RASEF: variants seen among roughly 807,000 people sequenced by gnomAD.
RASEF encodes the protein RAS and EF-hand domain containing, also known as ras and EF-hand domain-containing protein.
Under a neutral mutation model 90.1 loss-of-function variants are expected in RASEF, and 68 were observed. The observed-to-expected ratio is 0.75, with a 90% CI of 0.62 to 0.92. The LOEUF (loss-of-function observed/expected upper bound fraction) is 0.92, where lower values mean the gene tolerates loss of function less well. Among genes scored for constraint, RASEF ranks in the 40% least tolerant of loss-of-function variants. RASEF has a pLI of 0.00. For missense variants in RASEF, 949 were observed against 937.2 expected (o/e 1.01, Z -0.16); for synonymous variants, 331 against 345.2 (o/e 0.96, Z 0.46).
chr9:83,074,007 T>C, the RASEF span, among the ~76,000 whole-genome samples: 24 of 152,202 alleles, frequency 1.6e-4, no homozygotes, highest in Non-Finnish European at 2.6e-4. Context: ...TACCTCACTT[T>C]AATGGTGAAA....
the RASEF span, among the ~76,000 whole-genome samples, chr9:83,134,188 C>A: frequency 6.6e-6 from 1 of 152,206 alleles, no homozygotes; most frequent in Non-Finnish European, 1.5e-5. Flanking sequence ...TTCTCTCCCT[C>A]CCTACTCTCA....
the RASEF span, among the ~76,000 whole-genome samples, chr9:83,139,980 A>T: frequency 6.6e-6 from 1 of 152,176 alleles, no homozygotes; most frequent in Non-Finnish European, 1.5e-5. Flanking sequence ...TAAATCAATG[A>T]TGTTCTTAAT....
chr9:83,141,767 G>A, the RASEF span, among the ~76,000 whole-genome samples: 15 of 152,298 alleles, frequency 9.8e-5, no homozygotes, highest in Admixed American at 3.3e-4. Context: ...GGGAGAGGGA[G>A]GGTCAATAAT....
chr9:83,164,715 A>T, the RASEF span, among the ~76,000 whole-genome samples: 27 of 151,960 alleles, frequency 1.8e-4, 1 homozygote, highest in Middle Eastern at 3.4e-3. Flanking sequence ...AACATCAATG[A>T]TCTAAATGTA....
the RASEF span, among the ~76,000 whole-genome samples, chr9:83,086,176 A>C: frequency 1.3e-5 from 2 of 152,222 alleles, no homozygotes; most frequent in African/African-American, 4.8e-5. Flanking sequence ...AAGAGGTAGA[A>C]TTAATATCTT....
At chr9:83,055,453 G>A (rs1020725305) in intron 1 of RASEF, 7 of 647,550 alleles carry the variant, frequency 1.1e-5, no homozygotes, top group Admixed American at 2.1e-5. Flanking sequence ...CTCGCACTCC[G>A]TAGTGAGATG....
chr9:83,054,839 CT>C (rs1830073741), intron 1 of RASEF: 1 of 151,478 alleles, frequency 6.6e-6, no homozygotes, highest in African/African-American at 2.5e-5. Flanking sequence ...TGGGGGGTGC[CT>C]CCCAGTTAGG....
the RASEF span, among the ~76,000 whole-genome samples, chr9:83,096,481 C>T: frequency 2.0e-5 from 3 of 152,058 alleles, no homozygotes; most frequent in Admixed American, 6.6e-5. Flanking sequence ...CCTGAGGGCT[C>T]GCAGATTAGT....
the RASEF span, among the ~76,000 whole-genome samples, chr9:83,170,212 C>T: frequency 2.0e-5 from 3 of 151,922 alleles, no homozygotes; most frequent in African/African-American, 4.8e-5. Flanking sequence ...GTTATTGGCA[C>T]CTTTGTCAAA....
At chr9:83,134,408 GCGCACACACA>G in the RASEF span, among the ~76,000 whole-genome samples, 97 of 136,004 alleles carry the variant, frequency 7.1e-4, no homozygotes, top group Middle Eastern at 0.011. Context: ...GATCACAATA[GCGCACACACA>G]CACACACACA....
the RASEF span, among the ~76,000 whole-genome samples, chr9:83,068,803 TAAAG>T: frequency 1.1e-4 from 17 of 152,292 alleles, no homozygotes; most frequent in African/African-American, 3.8e-4. Flanking sequence ...TTTGTTTTCT[TAAAG>T]AAGAAAAAAA....
intron 16 of RASEF, 28 bp from the exon 17 acceptor site, chr9:82,982,810 AGAG>A (rs548527971): frequency 4.7e-6 from 2 of 427,778 alleles, no homozygotes; most frequent in Non-Finnish European, 6.9e-6. Context: ...AGAGACAGAG[AGAG>A]AGAGAGAGAG....
intron 1 of RASEF, among the ~76,000 whole-genome samples, chr9:83,047,608 T>A (rs1397373899): frequency 6.6e-6 from 1 of 152,138 alleles, no homozygotes; most frequent in Non-Finnish European, 1.5e-5. Context: ...TTAGCCCTCC[T>A]CCCCTAGGAC....
In RASEF at chr9:83,007,458, T is replaced by G. The variant is rs1049980892; in HGVS notation, c.1007A>C (p.Glu336Ala). 1.9e-6 allele frequency: 3 copies of G among 1,612,494 alleles called. No homozygotes were observed. In the Admixed American group the frequency reaches 5.0e-5, roughly 27 times the overall value. ...RAYTEDRNSL[E>A]RQIEILQTAN... is the part of the protein sequence containing the mutation. ...TTACTGGAGTATTTCAATTTGCCTC[T>G]CAAGACTATTTCGATCTTCTGTGTA... Residue 336 changes from glutamate to alanine, a missense_variant, in exon 7 of 17, where the codon GAG (glutamate) becomes GCG (alanine). Glu to Ala is a moderately radical substitution (Grantham distance 107, BLOSUM62 -1). Around this residue, in one of 3 missense-constraint regions of RASEF, gnomAD observed 656 missense variants for 592.2 expected, o/e 1.11. Coordinates refer to ENST00000376447, the MANE Select transcript of RASEF (RefSeq NM_152573.4).
the RASEF span, among the ~76,000 whole-genome samples, chr9:83,139,453 G>A: frequency 1.3e-5 from 2 of 152,146 alleles, no homozygotes; most frequent in African/African-American, 4.8e-5. Context: ...CACATATTTT[G>A]TATGTTATAG....
the RASEF span, among the ~76,000 whole-genome samples, chr9:83,215,107 G>A: frequency 6.6e-6 from 1 of 151,540 alleles, no homozygotes; most frequent in Non-Finnish European, 1.5e-5. Context: ...TTGGACTGGG[G>A]GTAGTTGGAG....
chr9:83,118,231 G>A, the RASEF span, among the ~76,000 whole-genome samples: 1 of 151,768 alleles, frequency 6.6e-6, no homozygotes, highest in Non-Finnish European at 1.5e-5. Flanking sequence ...TCTATAGTCT[G>A]GCATCCATTA....
At chr9:83,185,353 C>CTTTTTTTTTTTTTTTTTTTTTTTT in the RASEF span, among the ~76,000 whole-genome samples, 1 of 143,086 alleles carries the variant, frequency 7.0e-6, no homozygotes, top group African/African-American at 2.6e-5. Context: ...TTCTTTCTTT[C>CTTTTTTTTTTTTTTTTTTTTTTTT]TTTTTTTTTT....
chr9:83,040,924 G>C (rs549839461), intron 1 of RASEF, among the ~76,000 whole-genome samples: 1 of 152,102 alleles, frequency 6.6e-6, no homozygotes, highest in African/African-American at 2.4e-5. Context: ...GCAATGGCAC[G>C]ATCTCGGCTC....
Sources: allele counts gnomAD v4.1 joint callset (sites outside exome capture counted in the v4.1 genomes callset), GRCh38; gene constraint gnomAD v4.1.1; regional missense constraint gnomAD v4.1.1; transcripts MANE v1.5; gene names NCBI Gene and HGNC (gene_info 2026-07-23, HGNC 2026-07-21).